Variants in CDK14 observed in about 807,000 individuals in gnomAD.
CDK14 encodes the protein cyclin dependent kinase 14, also known as cyclin-dependent kinase 14.
In CDK14, 34 loss-of-function variants were observed where a neutral mutation model predicts 60.7. That is an observed-to-expected ratio of 0.56 (90% CI 0.43 to 0.75). CDK14 has a LOEUF of 0.75. Ranked by LOEUF, CDK14 falls within the 30% of genes least tolerant of loss-of-function variation. The pLI is 0.00. For synonymous variants in CDK14, 197 were observed against 203.7 expected, an observed-to-expected ratio of 0.97 and a Z score of 0.28; for missense variants, 482 against 564.1, an observed-to-expected ratio of 0.85 and a Z score of 1.47.
At chr7:90,602,860 A>T (rs921320251) in intron 1 of CDK14, among the ~76,000 whole-genome samples, 1 of 152,238 alleles carries the variant, frequency 6.6e-6, no homozygotes, top group Non-Finnish European at 1.5e-5. Context: ...CCCTCAGCCT[A>T]CCTGCATCCC....
At chr7:90,854,692 GT>G (rs1790764515) in intron 5 of CDK14, among the ~76,000 whole-genome samples, 1 of 147,978 alleles carries the variant, frequency 6.8e-6, no homozygotes, top group South Asian at 2.1e-4. Flanking sequence ...TAGTGCTCTT[GT>G]TAACTGTACA....
At chr7:91,194,334 T>C (rs1346807739) in intron 14 of CDK14, among the ~76,000 whole-genome samples, 1 of 152,172 alleles carries the variant, frequency 6.6e-6, no homozygotes, top group Admixed American at 6.5e-5. Context: ...CATTTCAGGC[T>C]CATGCTCATC....
intron 8 of CDK14, among the ~76,000 whole-genome samples, chr7:90,941,189 T>C (rs997663162): frequency 6.6e-6 from 1 of 152,122 alleles, no homozygotes; most frequent in Admixed American, 6.5e-5. Flanking sequence ...GAGATTAGAA[T>C]TAGATATGGG....
At chr7:90,601,181 A>G (rs1472481316) in intron 1 of CDK14, among the ~76,000 whole-genome samples, 2 of 152,276 alleles carry the variant, frequency 1.3e-5, no homozygotes, top group Non-Finnish European at 1.5e-5. Context: ...CCCCTTGGCT[A>G]TTCCAGAATA....
intron 6 of CDK14, among the ~76,000 whole-genome samples, chr7:90,868,232 C>T (rs544673413): frequency 6.6e-6 from 1 of 151,490 alleles, no homozygotes; most frequent in Admixed American, 6.6e-5. Context: ...CCACAAGTTT[C>T]CTTGTGTCAT....
chr7:91,043,431 C>T (rs1489355655), intron 10 of CDK14, among the ~76,000 whole-genome samples: 2 of 152,218 alleles, frequency 1.3e-5, no homozygotes, highest in African/African-American at 4.8e-5. Context: ...TGTTGAACTC[C>T]TTTGTCCTTG....
At position 90,649,256 on chromosome 7, in the gene CDK14, C is replaced by CTTTGTTTCTTTGTTTG. The variant is rs1303940369; in HGVS notation, c.123+45010_123+45011insGTTTCTTTGTTTGTTT. On this transcript the variant is annotated intron_variant, in intron 2 of 14. Transcript: ENST00000380050. Reference sequence around the variant, plus strand: ...CTATAGTTTCTTTCTTTCTTTCTTTCTTTCTTTCTTTCTTTCTTTCTTTCT... The same window carrying CTTTGTTTCTTTGTTTG: ...CTATAGTTTCTTTCTTTCTTTCTTTCTTTGTTTCTTTGTTTGTTTCTTTCTTTCTTTCTTTCTTTCT... 6.3e-5 allele frequency among the ~76,000 whole-genome samples: 3 copies of CTTTGTTTCTTTGTTTG among 47,350 alleles called. No individual in the cohort carries two copies. The South Asian group carries it at 2.3e-3, about 37-fold the overall frequency. 31.1% of individuals were successfully genotyped at this position (47,350 alleles called of 152,430 possible). A position where few individuals can be genotyped will look rare whatever the true frequency, so the allele number is the denominator to read the frequency against.
At chr7:91,098,451 A>G (rs946717707) in intron 12 of CDK14, among the ~76,000 whole-genome samples, 4 of 152,094 alleles carry the variant, frequency 2.6e-5, no homozygotes, top group South Asian at 2.1e-4. Context: ...ACATGTATAC[A>G]TATGTAACAA....
intron 10 of CDK14, among the ~76,000 whole-genome samples, chr7:91,034,923 TACACACACACACACATACACATACACAC>T (rs1450358611): frequency 7.3e-6 from 1 of 136,154 alleles, no homozygotes; most frequent in Non-Finnish European, 1.6e-5. Context: ...CACACCTGTG[TACACACACACACACATACACATACACAC>T]ACACACACAC....
intron 14 of CDK14, among the ~76,000 whole-genome samples, chr7:91,192,949 T>C (rs1381991327): frequency 1.1e-4 from 17 of 152,204 alleles, no homozygotes; most frequent in Non-Finnish European, 2.5e-4. Flanking sequence ...TCTCCTCTCT[T>C]GAAGGAAATA....
intron 11 of CDK14, among the ~76,000 whole-genome samples, chr7:91,064,652 C>A (rs1482031581): frequency 1.3e-5 from 2 of 152,182 alleles, no homozygotes; most frequent in Non-Finnish European, 2.9e-5. Context: ...GGCAACTCAA[C>A]CTTTCTAGCC....
chr7:90,653,106 G>A (rs977151702), intron 2 of CDK14, among the ~76,000 whole-genome samples: 1 of 152,042 alleles, frequency 6.6e-6, no homozygotes. Context: ...TGAGAATGAT[G>A]TTGGGTGTAT....
intron 12 of CDK14, among the ~76,000 whole-genome samples, chr7:91,099,538 T>C (rs1309204477): frequency 6.6e-6 from 1 of 152,164 alleles, no homozygotes. Context: ...TTTACTTTGC[T>C]TCACTCTTGA....
At position 91,124,195 on chromosome 7, in the gene CDK14, A is replaced by AT. The variant is rs531717261; in HGVS notation, c.*28+5996dup. Among the ~76,000 whole-genome samples the AT allele has an allele frequency of 5.2e-3, 795 of 151,560 alleles. 4 individuals are homozygous for AT. Among genetic ancestry groups the AT allele is most frequent in the Non-Finnish European group, 7.4e-3 (500 of 67,816 alleles). On this transcript the variant is annotated intron_variant, in intron 14 of 14. Transcript: ENST00000380050. Reference sequence around the variant, plus strand: ...GAGCAACTATGCCCAGCCTTCAAGCATTTTTTTTTATATTGACATAATTTC... The same window carrying AT: ...GAGCAACTATGCCCAGCCTTCAAGCATTTTTTTTTTATATTGACATAATTTC...
intron 5 of CDK14, among the ~76,000 whole-genome samples, chr7:90,836,547 A>C (rs766947771): frequency 1.3e-5 from 2 of 152,130 alleles, no homozygotes; most frequent in Non-Finnish European, 1.5e-5. Context: ...CTTCTTCTAG[A>C]ATACCTCCCG....
intron 5 of CDK14, among the ~76,000 whole-genome samples, chr7:90,822,145 G>A (rs1024742758): frequency 6.6e-6 from 1 of 152,210 alleles, no homozygotes; most frequent in Admixed American, 6.5e-5. Context: ...CGATGAGACT[G>A]TTTTTGGTAT....
intron 14 of CDK14, among the ~76,000 whole-genome samples, chr7:91,132,964 G>A (rs977048123): frequency 6.6e-6 from 1 of 152,002 alleles, no homozygotes; most frequent in African/African-American, 2.4e-5. Context: ...TAAAGAATAT[G>A]CCTTTTCTAT....
intron 12 of CDK14, among the ~76,000 whole-genome samples, chr7:91,109,298 T>C (rs1227885045): frequency 6.6e-6 from 1 of 152,152 alleles, no homozygotes; most frequent in African/African-American, 2.4e-5. Context: ...CATTCAACCA[T>C]ATACTTACAC....
At chr7:90,988,290 T>A (rs1339536762) in intron 10 of CDK14, among the ~76,000 whole-genome samples, 1 of 152,186 alleles carries the variant, frequency 6.6e-6, no homozygotes, top group Non-Finnish European at 1.5e-5. Context: ...GAAATTTCAC[T>A]GTTAAATCAT....
Sources: gnomAD v4.1 joint callset for allele counts (sites outside exome capture counted in the v4.1 genomes callset) on GRCh38, gnomAD v4.1.1 for gene constraint, MANE v1.5 for transcripts, NCBI Gene and HGNC (gene_info 2026-07-23, HGNC 2026-07-21) for gene names.